The following STK38L variants were observed in gnomAD, a reference collection of about 807,000 sequenced individuals.
The protein encoded by STK38L is serine/threonine-protein kinase 38-like.
In STK38L, 28 loss-of-function variants were observed where a neutral mutation model predicts 59.7. That is an observed-to-expected ratio of 0.47 (90% CI 0.35 to 0.64). The LOEUF is 0.64. STK38L is among the 30% of genes least tolerant of loss of function. The pLI is 0.01. For missense variants in STK38L, 314 were observed against 555.8 expected (o/e 0.56, Z 4.37); for synonymous variants, 162 against 176.8 (o/e 0.92, Z 0.66).
intron 12 of STK38L, 88 bp from the exon 13 acceptor site, chr12:27,322,055 A>G (rs889603641): frequency 8.3e-7 from 1 of 1,205,774 alleles, no homozygotes; most frequent in Non-Finnish European, 1.2e-6. Context: ...TATCTGTAGA[A>G]TAGTATGCAG....
intron 1 of STK38L, among the ~76,000 whole-genome samples, chr12:27,281,439 G>C (rs1199794774): frequency 6.6e-6 from 1 of 152,182 alleles, no homozygotes; most frequent in Middle Eastern, 3.2e-3. Context: ...ATGGTCATTA[G>C]AACAACAGCT....
intron 1 of STK38L, among the ~76,000 whole-genome samples, chr12:27,281,072 T>G (rs1414037845): frequency 6.0e-4 from 1 of 1,662 alleles, no homozygotes; most frequent in African/African-American, 2.5e-3. Context: ...GCTTTGTTTT[T>G]TTTTTTTTTT....
At chr12:27,254,366 A>G (rs779716844) in intron 1 of STK38L, among the ~76,000 whole-genome samples, 2 of 152,130 alleles carry the variant, frequency 1.3e-5, no homozygotes, top group Non-Finnish European at 2.9e-5. Context: ...AACTAACATG[A>G]CCCTAAACTT....
rs538007656 is a variant in STK38L at position 27,296,012 on chromosome 12, G to T, written c.-11-1698G>T. Reference sequence around the variant, plus strand: ...GAAAATATAAAAAGCAACAGATAAGGATAGCAAGTTGGAATCCTGACTCCA... The same window carrying T: ...GAAAATATAAAAAGCAACAGATAAGTATAGCAAGTTGGAATCCTGACTCCA... On this transcript the variant is annotated intron_variant, in intron 1 of 13. Transcript: ENST00000389032. Among the ~76,000 whole-genome samples, 20 of 152,288 alleles carry T rather than the reference G, an allele frequency of 1.3e-4. 1 individual carries two copies. In the South Asian group the frequency reaches 3.9e-3, roughly 30 times the overall value.
intron 1 of STK38L, among the ~76,000 whole-genome samples, chr12:27,278,986 G>T (rs1298099626): frequency 6.6e-6 from 1 of 152,198 alleles, no homozygotes; most frequent in Non-Finnish European, 1.5e-5. Context: ...AAAGGAAAAA[G>T]AGTAGGGGCC....
chr12:27,294,879 T>TAAA (rs547338879), intron 1 of STK38L, among the ~76,000 whole-genome samples: 2 of 135,000 alleles, frequency 1.5e-5, no homozygotes, highest in Admixed American at 7.5e-5. Flanking sequence ...CCTAGCTAAG[T>TAAA]AAAAAAAAAA....
At chr12:27,295,844 A>G (rs1944006163) in intron 1 of STK38L, among the ~76,000 whole-genome samples, 1 of 152,230 alleles carries the variant, frequency 6.6e-6, no homozygotes, top group Non-Finnish European at 1.5e-5. Context: ...TGGGCCATAA[A>G]GGATCAGCAG....
intron 3 of STK38L, among the ~76,000 whole-genome samples, chr12:27,307,544 TA>T (rs1944347455): frequency 6.6e-6 from 1 of 152,218 alleles, no homozygotes; most frequent in South Asian, 2.1e-4. Flanking sequence ...GAACAGGAGT[TA>T]AATTTTTTCA....
chr12:27,313,458 TACA>T (rs1437331159), intron 6 of STK38L, among the ~76,000 whole-genome samples: 2 of 152,212 alleles, frequency 1.3e-5, no homozygotes, highest in South Asian at 4.1e-4. Flanking sequence ...CTTGGCTCAC[TACA>T]ACCTCTGCCT....
chr12:27,250,835 C>T (rs1157422950), intron 1 of STK38L, among the ~76,000 whole-genome samples: 2 of 151,744 alleles, frequency 1.3e-5, no homozygotes, highest in African/African-American at 2.4e-5. Flanking sequence ...CTCGTCTCTA[C>T]TAAAAATAAA....
chr12:27,321,623 A>T (rs565153204), intron 12 of STK38L, among the ~76,000 whole-genome samples: 1 of 152,338 alleles, frequency 6.6e-6, no homozygotes, highest in African/African-American at 2.4e-5. Context: ...TTAAAAAAAT[A>T]GGATGAGAAA....
In STK38L at chr12:27,319,387, A is replaced by AG; in HGVS notation, c.1139_1140insG (p.His380GlnfsTer5). ...AGTGGAGTAGAAGAAATAAAAGGTC[A>AG]TCCCTTTTTTGAAGGTGTCGACTGG... On this transcript the variant is annotated frameshift_variant, in exon 12 of 14. Coordinates refer to ENST00000389032, the MANE Select transcript of STK38L (RefSeq NM_015000.4). LOFTEE classifies it high-confidence loss of function. 6.2e-7 allele frequency: 1 copy of AG among 1,613,588 alleles called. No individual in the cohort carries two copies. Among genetic ancestry groups the AG allele is most frequent in the Non-Finnish European group, 8.5e-7 (1 of 1,179,678 alleles).
intron 5 of STK38L, among the ~76,000 whole-genome samples, chr12:27,310,762 G>A (rs1449657954): frequency 6.6e-6 from 1 of 152,142 alleles, no homozygotes; most frequent in East Asian, 1.9e-4. Flanking sequence ...AATATTTTGT[G>A]GGAAGTTAAG....
chr12:27,268,325 G>A (rs1343324014), intron 1 of STK38L, among the ~76,000 whole-genome samples: 1 of 151,226 alleles, frequency 6.6e-6, no homozygotes, highest in Non-Finnish European at 1.5e-5. Context: ...GTGTCCATGT[G>A]TTCTCATTGT....
At chr12:27,260,214 T>C (rs745902194) in intron 1 of STK38L, among the ~76,000 whole-genome samples, 2 of 152,224 alleles carry the variant, frequency 1.3e-5, no homozygotes, top group African/African-American at 2.4e-5. Flanking sequence ...AGCTCACAAG[T>C]TTCAGTCTGG....
intron 7 of STK38L, 130 bp downstream of exon 7, chr12:27,314,788 G>A (rs1231605564): frequency 9.1e-7 from 1 of 1,101,776 alleles, no homozygotes; most frequent in East Asian, 2.6e-5. Context: ...TAAGGTACTA[G>A]GAGAGGACTT....
intron 12 of STK38L, among the ~76,000 whole-genome samples, chr12:27,320,924 G>A (rs1490671376): frequency 6.6e-6 from 1 of 151,700 alleles, no homozygotes; most frequent in Non-Finnish European, 1.5e-5. Context: ...CCACTATGCT[G>A]TATAATACTA....
intron 2 of STK38L, 27 bp downstream of exon 2, chr12:27,297,881 T>G: frequency 7.4e-6 from 12 of 1,611,656 alleles, no homozygotes; most frequent in Admixed American, 1.7e-5. Context: ...TCAAAACTTT[T>G]TTTAGTTAAA....
chr12:27,284,468 T>C (rs902606777), intron 1 of STK38L, among the ~76,000 whole-genome samples: 1 of 152,360 alleles, frequency 6.6e-6, no homozygotes, highest in South Asian at 2.1e-4. Flanking sequence ...CCTTCTGTAA[T>C]TGAAATTGAA....
Sources: gnomAD v4.1 joint callset for allele counts (sites outside exome capture counted in the v4.1 genomes callset) on GRCh38, gnomAD v4.1.1 for gene constraint, MANE v1.5 for transcripts, NCBI Gene and HGNC (gene_info 2026-07-23, HGNC 2026-07-21) for gene names.